Variants in KPNA4 observed in about 807,000 individuals in gnomAD.
The protein encoded by KPNA4 is importin subunit alpha-3.
KPNA4 carries 13 observed loss-of-function variants against 71.3 expected under a neutral mutation model. The ratio of observed to expected loss-of-function variants is 0.18; its 90% CI spans 0.12 to 0.29. KPNA4 has a LOEUF of 0.29. KPNA4 is among the 10% of genes least tolerant of loss of function. The pLI is 1.00. For missense variants in KPNA4, 334 were observed against 603.2 expected (o/e 0.55, Z 4.67); for synonymous variants, 189 against 195.2 (o/e 0.97, Z 0.26).
chr3:160,523,608 G>A lies in KPNA4; in HGVS notation c.772-1698C>T, dbSNP rs1403567611. On this transcript the variant is annotated intron_variant, in intron 10 of 16. Coordinates refer to ENST00000334256, the MANE Select transcript of KPNA4 (RefSeq NM_002268.5). ...CTCACGCCTGCAATCCCAGCACTTT[G>A]GGGGGCCAAGGTGGGTGGATCACGA... is the stretch of plus-strand genomic sequence containing the variant. Among the ~76,000 whole-genome samples, 4 of 152,274 alleles carry A rather than the reference G, an allele frequency of 2.6e-5. No homozygotes were observed. The East Asian group carries it at 7.7e-4, about 29-fold the overall frequency.
In KPNA4 at chr3:160,535,569, T is replaced by G; in HGVS notation, c.235-4A>C. On this transcript the variant is annotated splice_polypyrimidine_tract_variant and splice_region_variant and intron_variant, in intron 4 of 16. Coordinates refer to ENST00000334256, the MANE Select transcript of KPNA4 (RefSeq NM_002268.5). ...CTTGGTTATCACTTGAAGCATTCTA[T>G]AAAAAATAAAATAATTTATGATGTA... 1.9e-6 allele frequency: 3 copies of G among 1,590,630 alleles called. No individual in the cohort carries two copies. The highest frequency in any genetic ancestry group is 2.6e-6 in the Non-Finnish European group (3 of 1,167,092).
At chr3:160,526,564 T>C (rs556651536) in intron 8 of KPNA4, among the ~76,000 whole-genome samples, 24 of 152,356 alleles carry the variant, frequency 1.6e-4, no homozygotes, top group Middle Eastern at 3.4e-3. Context: ...AATGTGATTA[T>C]TGGGCTCTAG....
At chr3:160,564,162 G>A (rs1262867722) in intron 1 of KPNA4, 1 of 152,232 alleles carries the variant, frequency 6.6e-6, no homozygotes, top group Admixed American at 6.5e-5. Flanking sequence ...CTGAAGGGAA[G>A]AAGTCTTCTA....
At chr3:160,561,648 GA>G (rs1218197755) in intron 1 of KPNA4, among the ~76,000 whole-genome samples, 1 of 152,012 alleles carries the variant, frequency 6.6e-6, no homozygotes, top group African/African-American at 2.4e-5. Context: ...CTAACACTCA[GA>G]AATTACAACT....
rs778425279 is a variant in KPNA4 at position 160,535,911 on chromosome 3, A to AC, written c.115-15_115-14insG. 1.1e-5 allele frequency: 12 copies of AC among 1,093,280 alleles called. No homozygotes were observed. Among genetic ancestry groups the AC allele is most frequent in the South Asian group, 7.6e-5 (2 of 26,476 alleles). 67.7% of individuals were successfully genotyped at this position (1,093,280 alleles called of 1,614,324 possible). On this transcript the variant is annotated splice_polypyrimidine_tract_variant and intron_variant, in intron 2 of 16. Transcript: ENST00000334256. ...ATCTCTTTTATTCTTAAAAAAAAAA[A>AC]AAAAAAAAAAAAAACCAAACAGAGA...
rs199793384 is a variant in KPNA4 at position 160,502,049 on chromosome 3, C to T, written c.*55G>A. The T allele has an allele frequency of 4.8e-3, 2,301 of 480,186 alleles. No individual in the cohort carries two copies. Among genetic ancestry groups the T allele is most frequent in the South Asian group, 6.9e-3 (208 of 30,060 alleles). 29.7% of individuals were successfully genotyped at this position (480,186 alleles called of 1,614,324 possible). A position where few individuals can be genotyped will look rare whatever the true frequency, so the allele number is the denominator to read the frequency against. On this transcript the variant is annotated 3_prime_UTR_variant, in exon 17 of 17. Coordinates refer to ENST00000334256, the MANE Select transcript of KPNA4 (RefSeq NM_002268.5). ...ATATATATATATATATACACACACA[C>T]ATATATATATATATATCTCAGTGCT...
chr3:160,514,760 C>A, intron 12 of KPNA4: 1 of 313,398 alleles, frequency 3.2e-6, no homozygotes, highest in Non-Finnish European at 6.3e-6. Flanking sequence ...TTTTATTGGC[C>A]TATCTTAATC....
At chr3:160,515,692 G>C (rs1400676759) in intron 11 of KPNA4, 112 bp from the exon 12 acceptor site, 2 of 1,192,932 alleles carry the variant, frequency 1.7e-6, no homozygotes, top group Non-Finnish European at 2.3e-6. Context: ...TCAGCTCACT[G>C]TAACCTCTGC....
Position 160,526,096 on chromosome 3 carries a change from G to T in KPNA4, c.568C>A (p.Gln190Lys). 2 of 1,540,956 alleles carry T rather than the reference G, an allele frequency of 1.3e-6. No homozygotes were observed. The highest frequency in any genetic ancestry group is 2.6e-5 in the South Asian group (2 of 76,208). Reference protein sequence around the residue: ...ALGNIIGDGPQCRDYVISLGV... With the variant: ...ALGNIIGDGPKCRDYVISLGV... ...AGACTTATGACATAATCTCTACACT[G>T]GGGCCCATCACCTGTAGAAAAAAAG... The change falls in exon 9 of 17, where the codon CAG (glutamine) becomes AAG (lysine). Residue 190 changes from glutamine (Q) to lysine (K), a missense_variant. By Grantham distance (53) the Gln-to-Lys change is moderately conservative. Coordinates refer to ENST00000334256, the MANE Select transcript of KPNA4 (RefSeq NM_002268.5).
At chr3:160,563,004 T>C (rs999078988) in intron 1 of KPNA4, among the ~76,000 whole-genome samples, 2 of 152,206 alleles carry the variant, frequency 1.3e-5, no homozygotes, top group African/African-American at 2.4e-5. Flanking sequence ...AGTTTCCATA[T>C]GATCTAGCAA....
chr3:160,523,098 G>T (rs1721387562), intron 10 of KPNA4, among the ~76,000 whole-genome samples: 1 of 152,222 alleles, frequency 6.6e-6, no homozygotes, highest in South Asian at 2.1e-4. Flanking sequence ...AATAATAATT[G>T]TGCCTAAAAC....
chr3:160,543,650 A>C (rs1721850392), intron 1 of KPNA4, among the ~76,000 whole-genome samples: 1 of 152,136 alleles, frequency 6.6e-6, no homozygotes, highest in Admixed American at 6.5e-5. Context: ...TCAACTTTAG[A>C]AAACAATGTC....
At chr3:160,564,730 C>T (rs976781448) in intron 1 of KPNA4, 2 of 152,018 alleles carry the variant, frequency 1.3e-5, no homozygotes, top group African/African-American at 4.8e-5. Context: ...CCTCGGGCCT[C>T]GCTGAGGAAG....
intron 1 of KPNA4, among the ~76,000 whole-genome samples, chr3:160,551,950 G>T (rs866179414): frequency 5.0e-5 from 7 of 140,184 alleles, no homozygotes; most frequent in African/African-American, 1.3e-4. Flanking sequence ...GGGGGGGGGG[G>T]GGTGATGTGC....
At chr3:160,550,516 AG>A (rs1229439014) in intron 1 of KPNA4, among the ~76,000 whole-genome samples, 1 of 152,122 alleles carries the variant, frequency 6.6e-6, no homozygotes, top group Non-Finnish European at 1.5e-5. Context: ...TCTCCCACTG[AG>A]GCCTCCTTCC....
intron 5 of KPNA4, among the ~76,000 whole-genome samples, chr3:160,533,834 T>C (rs1170431495): frequency 1.3e-5 from 2 of 152,226 alleles, no homozygotes; most frequent in Admixed American, 6.5e-5. Flanking sequence ...AGATCATACT[T>C]TGAAAACCTC....
intron 15 of KPNA4, among the ~76,000 whole-genome samples, chr3:160,505,932 A>G (rs1720974639): frequency 6.6e-6 from 1 of 152,166 alleles, no homozygotes; most frequent in Non-Finnish European, 1.5e-5. Context: ...CCAAAACACA[A>G]TTTGTTATTT....
intron 1 of KPNA4, among the ~76,000 whole-genome samples, chr3:160,545,777 G>C (rs149969229): frequency 6.6e-6 from 1 of 152,336 alleles, no homozygotes; most frequent in Non-Finnish European, 1.5e-5. Flanking sequence ...TTGGACCAGA[G>C]TGGTCGCAGT....
chr3:160,511,821 A>C (rs577155854), intron 13 of KPNA4, among the ~76,000 whole-genome samples: 1 of 151,734 alleles, frequency 6.6e-6, no homozygotes, highest in Admixed American at 6.6e-5. Context: ...ACTTAAAAAT[A>C]ATGTATATTG....
Sources: gnomAD v4.1 joint callset for allele counts (sites outside exome capture counted in the v4.1 genomes callset) on GRCh38, gnomAD v4.1.1 for gene constraint, MANE v1.5 for transcripts, NCBI Gene and HGNC (gene_info 2026-07-23, HGNC 2026-07-21) for gene names.